Variants in CLSTN2 observed in about 807,000 individuals in gnomAD.
CLSTN2 encodes calsyntenin 2.
In CLSTN2, 48 loss-of-function variants were observed where a neutral mutation model predicts 101.2. The observed-to-expected ratio is 0.47, with a 90% CI of 0.38 to 0.60. CLSTN2 has a LOEUF of 0.60. Among genes scored for constraint, CLSTN2 ranks in the 20% least tolerant of loss-of-function variants. CLSTN2 has a pLI of 0.00. For missense variants in CLSTN2, 1,160 were observed against 1,238.2 expected (o/e 0.94, Z 0.95); for synonymous variants, 481 against 463.6 (o/e 1.04, Z -0.48).
chr3:140,403,896 C>A, intron 3 of CLSTN2, 72 bp downstream of exon 3: 1 of 1,242,756 alleles, frequency 8.0e-7, no homozygotes, highest in Non-Finnish European at 1.1e-6. Flanking sequence ...ACATGCTGCT[C>A]TTCAGATATG....
chr3:140,290,846 C>T (rs1271723764), intron 2 of CLSTN2, among the ~76,000 whole-genome samples: 2 of 152,212 alleles, frequency 1.3e-5, no homozygotes, highest in Non-Finnish European at 2.9e-5. Context: ...CTTTACCATC[C>T]TTCCTTTAGT....
rs1166908146 is a variant in CLSTN2, at chr3:140,419,490, A to AG, written c.638-1635_638-1634insG. Among the ~76,000 whole-genome samples the AG allele has an allele frequency of 3.1e-3, 222 of 71,044 alleles. 62 individuals are homozygous for AG. The highest frequency in any genetic ancestry group is 3.3e-3 in the Non-Finnish European group (142 of 42,792). 46.6% of individuals were successfully genotyped at this position (71,044 alleles called of 152,430 possible). ...AGAGCCAGACTCTGTCTCAAAAAAAAAAAAATATATATATATATATATACA... is the reference window on the plus strand; with the variant it reads ...AGAGCCAGACTCTGTCTCAAAAAAAAGAAAAATATATATATATATATATACA... On this transcript the variant is annotated intron_variant, in intron 4 of 16. Transcript: ENST00000458420.
intron 6 of CLSTN2, among the ~76,000 whole-genome samples, chr3:140,451,303 G>A (rs113818231): frequency 1.3e-3 from 197 of 152,244 alleles, no homozygotes; most frequent in African/African-American, 4.3e-3. Flanking sequence ...AGAAATTTTC[G>A]AACAAAATTG....
intron 8 of CLSTN2, among the ~76,000 whole-genome samples, chr3:140,512,182 C>T (rs907649268): frequency 1.2e-4 from 18 of 152,058 alleles, no homozygotes; most frequent in Admixed American, 4.6e-4. Flanking sequence ...CAAAATTTTG[C>T]ATTTGGTGTT....
chr3:140,477,260 C>T (rs1468581531), intron 8 of CLSTN2, among the ~76,000 whole-genome samples: 1 of 152,138 alleles, frequency 6.6e-6, no homozygotes, highest in Non-Finnish European at 1.5e-5. Context: ...TTAATTATAC[C>T]TCTAAATAAT....
intron 2 of CLSTN2, among the ~76,000 whole-genome samples, chr3:140,181,607 A>G (rs545003986): frequency 6.6e-6 from 1 of 152,308 alleles, no homozygotes; most frequent in South Asian, 2.1e-4. Flanking sequence ...ATATCAGTTA[A>G]GAATAAATTT....
intron 1 of CLSTN2, among the ~76,000 whole-genome samples, chr3:140,148,020 A>G (rs549011933): frequency 6.6e-6 from 1 of 152,366 alleles, no homozygotes; most frequent in East Asian, 1.9e-4. Flanking sequence ...TGCGACTTAT[A>G]AAGAGGATCA....
chr3:140,478,098 A>T (rs1183804304), intron 8 of CLSTN2, among the ~76,000 whole-genome samples: 1 of 152,174 alleles, frequency 6.6e-6, no homozygotes, highest in Non-Finnish European at 1.5e-5. Flanking sequence ...TATGATACTT[A>T]TTTATTCACT....
chr3:140,062,452 C>T (rs1462688735), intron 1 of CLSTN2, among the ~76,000 whole-genome samples: 2 of 152,116 alleles, frequency 1.3e-5, no homozygotes, highest in Admixed American at 6.5e-5. Context: ...AAAGAGAAAT[C>T]AAGCCTCCTC....
chr3:140,566,604 CAG>C lies in CLSTN2; in HGVS notation c.*354_*355del. ...TTTGTGTCACTCACCTCCCCAGGCT[CAG>C]AGTCCCCAAGGCCCTGGGGTTCCAA... is the stretch of plus-strand genomic sequence containing the variant. On this transcript the variant is annotated 3_prime_UTR_variant, in exon 17 of 17. Coordinates refer to ENST00000458420, the MANE Select transcript of CLSTN2 (RefSeq NM_022131.3). 1 of 315,124 alleles carries C rather than the reference CAG, an allele frequency of 3.2e-6. No individual in the cohort carries two copies. The highest frequency in any genetic ancestry group is 6.1e-6 in the Non-Finnish European group (1 of 162,774). 19.5% of individuals were successfully genotyped at this position (315,124 alleles called of 1,614,324 possible).
At chr3:140,277,134 G>A (rs960125987) in intron 2 of CLSTN2, among the ~76,000 whole-genome samples, 1 of 152,192 alleles carries the variant, frequency 6.6e-6, no homozygotes, top group African/African-American at 2.4e-5. Context: ...GACAACTGTG[G>A]CCTGAATTTA....
intron 8 of CLSTN2, among the ~76,000 whole-genome samples, chr3:140,485,901 G>A (rs149375587): frequency 3.4e-3 from 521 of 152,092 alleles, no homozygotes; most frequent in Non-Finnish European, 5.9e-3. Flanking sequence ...GACCCCTTGC[G>A]CTTCCCAGGT....
intron 1 of CLSTN2, among the ~76,000 whole-genome samples, chr3:140,028,151 A>G (rs2007459951): frequency 6.6e-6 from 1 of 152,158 alleles, no homozygotes; most frequent in African/African-American, 2.4e-5. Context: ...GATCTCTAGG[A>G]CTTCCTGGAT....
intron 1 of CLSTN2, among the ~76,000 whole-genome samples, chr3:140,045,031 G>T (rs1010956402): frequency 6.6e-6 from 1 of 152,176 alleles, no homozygotes; most frequent in Non-Finnish European, 1.5e-5. Flanking sequence ...GTATCAGGAT[G>T]ATGCTGGCCT....
intron 1 of CLSTN2, among the ~76,000 whole-genome samples, chr3:140,022,946 A>G (rs1186915880): frequency 2.6e-5 from 4 of 152,298 alleles, no homozygotes; most frequent in Admixed American, 2.6e-4. Context: ...CCAACCCTGC[A>G]TCTCTAATAT....
chr3:140,512,922 G>A (rs1023980130), intron 8 of CLSTN2, among the ~76,000 whole-genome samples: 21 of 152,136 alleles, frequency 1.4e-4, no homozygotes, highest in African/African-American at 4.8e-4. Context: ...CTTGCATGTT[G>A]TTGGTGTATA....
chr3:140,414,536 G>A (rs1433712115), intron 4 of CLSTN2, among the ~76,000 whole-genome samples: 1 of 151,964 alleles, frequency 6.6e-6, no homozygotes, highest in African/African-American at 2.4e-5. Flanking sequence ...AAGGCATACA[G>A]AGTGATATAA....
intron 10 of CLSTN2, among the ~76,000 whole-genome samples, chr3:140,548,361 G>C (rs1008937508): frequency 6.6e-6 from 1 of 152,228 alleles, no homozygotes; most frequent in Non-Finnish European, 1.5e-5. Context: ...CGTTTTATGG[G>C]TATTGATTCC....
rs754993139 is a variant in CLSTN2, at chr3:140,564,052, C to T, written c.2574C>T (p.Ala858=). The T allele has an allele frequency of 7.4e-6, 12 of 1,614,006 alleles. No individual in the cohort carries two copies. Among genetic ancestry groups the T allele is most frequent in the Admixed American group, 1.7e-5 (1 of 60,008 alleles). ...VAMGVYRVRI[A]HQHFIQETEA... ...TGGGTGTGTACCGGGTCCGGATCGC[C>T]CACCAGCACTTCATCCAGGAGACTG... Residue 858 remains alanine (A), a synonymous_variant, in exon 16 of 17, where the codon GCC becomes GCT. Transcript: ENST00000458420.
Sources: allele counts gnomAD v4.1 joint callset (sites outside exome capture counted in the v4.1 genomes callset), GRCh38; gene constraint gnomAD v4.1.1; transcripts MANE v1.5; gene names NCBI Gene and HGNC (gene_info 2026-07-23, HGNC 2026-07-21).